Variants in APBA2 observed in about 807,000 individuals in gnomAD.
APBA2 encodes the protein amyloid-beta A4 precursor protein-binding family A member 2.
In APBA2, 30 loss-of-function variants were observed where a neutral mutation model predicts 75.0. That is an observed-to-expected ratio of 0.40 (90% CI 0.30 to 0.54). APBA2 has a LOEUF of 0.54. APBA2 is among the 20% of genes least tolerant of loss of function. APBA2 has a pLI of 0.49. For synonymous variants in APBA2, 444 were observed against 409.6 expected, an observed-to-expected ratio of 1.08 and a Z score of -1.01; for missense variants, 801 against 1,016.1, an observed-to-expected ratio of 0.79 and a Z score of 2.88.
At chr15:28,917,530 G>A (rs1460778754) in intron 1 of APBA2, among the ~76,000 whole-genome samples, 1 of 151,974 alleles carries the variant, frequency 6.6e-6, no homozygotes, top group Non-Finnish European at 1.5e-5. Context: ...GCAGTTTTAG[G>A]TTTATGGAGA....
intron 3 of APBA2, among the ~76,000 whole-genome samples, chr15:29,033,605 C>A (rs1228223988): frequency 6.6e-6 from 1 of 152,024 alleles, no homozygotes; most frequent in Non-Finnish European, 1.5e-5. Context: ...CTCAGAACAC[C>A]ATTATACTTA....
At chr15:28,886,491 G>A (rs144561483) in intron 1 of APBA2, among the ~76,000 whole-genome samples, 1 of 145,632 alleles carries the variant, frequency 6.9e-6, no homozygotes, top group African/African-American at 2.5e-5. Flanking sequence ...CTGACCGGCC[G>A]CTTCCCCCTC....
chr15:29,026,293 G>C (rs2040220288), intron 3 of APBA2, among the ~76,000 whole-genome samples: 1 of 152,114 alleles, frequency 6.6e-6, no homozygotes, highest in Non-Finnish European at 1.5e-5. Context: ...TGCCATACAG[G>C]GTCCTTCTGA....
Position 28,931,032 on chromosome 15 carries a change from C to T in APBA2, c.-95+9283C>T, listed in dbSNP as rs566384471. Among the ~76,000 whole-genome samples, 840 of 152,284 alleles carry T rather than the reference C, an allele frequency of 5.5e-3. 6 individuals carry two copies. The highest frequency in any genetic ancestry group is 8.6e-3 in the Non-Finnish European group (585 of 68,026). On this transcript the variant is annotated intron_variant, in intron 2 of 14. Transcript: ENST00000683413. ...GCCGCGTCCGCAGACATTGGGGACTCGGTACAGCTATCCTAGGGGTCTGCT... is the reference window on the plus strand; with the variant it reads ...GCCGCGTCCGCAGACATTGGGGACTTGGTACAGCTATCCTAGGGGTCTGCT...
intron 2 of APBA2, among the ~76,000 whole-genome samples, chr15:28,954,186 C>T (rs2036042473): frequency 6.6e-6 from 1 of 152,206 alleles, no homozygotes; most frequent in Non-Finnish European, 1.5e-5. Context: ...CGATGAGAGC[C>T]TGTCATCTCC....
At chr15:29,017,345 T>C (rs2039713367) in intron 3 of APBA2, among the ~76,000 whole-genome samples, 1 of 151,892 alleles carries the variant, frequency 6.6e-6, no homozygotes. Context: ...ATTCATTCTA[T>C]CTTTGAAGTC....
intron 3 of APBA2, among the ~76,000 whole-genome samples, chr15:29,023,905 A>ATTT (rs200312116): frequency 7.5e-6 from 1 of 133,962 alleles, no homozygotes. Flanking sequence ...CTTTTTGTCG[A>ATTT]TTTTTTTTTT....
At chr15:29,024,399 T>C (rs2040112240) in intron 3 of APBA2, among the ~76,000 whole-genome samples, 1 of 152,236 alleles carries the variant, frequency 6.6e-6, no homozygotes, top group African/African-American at 2.4e-5. Context: ...GAATGTCCTC[T>C]ACAGCTGGTT....
chr15:28,887,719 T>A (rs959587332), intron 1 of APBA2, among the ~76,000 whole-genome samples: 1 of 152,100 alleles, frequency 6.6e-6, no homozygotes, highest in Non-Finnish European at 1.5e-5. Flanking sequence ...CTCCAGGCAA[T>A]GTCCAGGGCG....
intron 6 of APBA2, among the ~76,000 whole-genome samples, chr15:29,091,960 A>G (rs1197292066): frequency 6.6e-6 from 1 of 152,208 alleles, no homozygotes; most frequent in Non-Finnish European, 1.5e-5. Flanking sequence ...GGCTCTGGCC[A>G]GGAGGTGGGC....
chr15:29,114,471 G>C (rs1354644738), intron 14 of APBA2, among the ~76,000 whole-genome samples: 2 of 152,104 alleles, frequency 1.3e-5, no homozygotes, highest in African/African-American at 4.8e-5. Context: ...GGAGGTGCAG[G>C]TTTTCCTCCA....
rs887699550 is a variant in APBA2, at chr15:29,054,756, A to G, written c.872A>G (p.Lys291Arg). ...PKSLNLLPEAKHPGDPQRGFK... is the reference protein window; with the variant it reads ...PKSLNLLPEARHPGDPQRGFK... Reference sequence around the variant, plus strand: ...TCGCTGAACCTCCTTCCCGAGGCCAAGCACCCCGGAGACCCCCAGAGAGGC... The same window carrying G: ...TCGCTGAACCTCCTTCCCGAGGCCAGGCACCCCGGAGACCCCCAGAGAGGC... The change falls in exon 4 of 15, where the codon AAG becomes AGG. Residue 291 changes from lysine to arginine, a missense_variant. Transcript: ENST00000683413. This position sits in a 1 kb window ranked among gnomAD's most constrained non-coding sequence, Gnocchi z 6.1. The G allele has an allele frequency of 1.9e-6, 3 of 1,608,260 alleles. No individual in the cohort carries two copies. The highest frequency in any genetic ancestry group is 1.7e-4 in the Middle Eastern group (1 of 6,050).
chr15:29,053,400 G>A (rs2041701443), intron 3 of APBA2, among the ~76,000 whole-genome samples: 1 of 152,154 alleles, frequency 6.6e-6, no homozygotes, highest in Non-Finnish European at 1.5e-5. Context: ...GTCTTTGAGG[G>A]GTCATGGATT....
intron 1 of APBA2, among the ~76,000 whole-genome samples, chr15:28,888,225 C>G (rs1317799160): frequency 6.6e-6 from 1 of 152,100 alleles, no homozygotes; most frequent in Non-Finnish European, 1.5e-5. Flanking sequence ...ACCTAGTTTG[C>G]CAACTGAGCT....
intron 3 of APBA2, among the ~76,000 whole-genome samples, chr15:29,030,552 G>A (rs929765612): frequency 1.3e-5 from 2 of 152,188 alleles, no homozygotes; most frequent in African/African-American, 2.4e-5. Flanking sequence ...AACATATTGA[G>A]GGGTACATTC....
At chr15:28,968,146 A>G (rs1049784969) in intron 2 of APBA2, among the ~76,000 whole-genome samples, 1 of 152,156 alleles carries the variant, frequency 6.6e-6, no homozygotes, top group African/African-American at 2.4e-5. Flanking sequence ...ATAATACTCC[A>G]CCGTATGTGT....
intron 1 of APBA2, among the ~76,000 whole-genome samples, chr15:28,893,283 A>G (rs571366999): frequency 6.6e-6 from 1 of 152,368 alleles, no homozygotes; most frequent in African/African-American, 2.4e-5. Context: ...CTGCTACAGT[A>G]AAGCACTCAG....
chr15:29,108,281 C>T lies in APBA2; in HGVS notation c.1929C>T (p.Asn643=). The T allele has an allele frequency of 1.2e-6, 2 of 1,613,902 alleles. No homozygotes were observed. The highest frequency in any genetic ancestry group is 1.7e-6 in the Non-Finnish European group (2 of 1,180,028). ...CCCGTGCTCTGCAGGGCCTGAAGAA[C>T]CAGACACAGGTGAAGCTCAACATTG... ...TCQGIIKGLK[N]QTQVKLNIVS... is the part of the protein sequence containing the mutation. Residue 643 remains asparagine, a synonymous_variant, in exon 13 of 15, where the codon AAC becomes AAT. Transcript: ENST00000683413.
At chr15:28,985,325 G>A (rs988305028) in intron 2 of APBA2, among the ~76,000 whole-genome samples, 1 of 152,168 alleles carries the variant, frequency 6.6e-6, no homozygotes, top group African/African-American at 2.4e-5. Context: ...TTCATGCTTT[G>A]CACTTTTTGT....
Sources: allele counts gnomAD v4.1 joint callset (sites outside exome capture counted in the v4.1 genomes callset), GRCh38; gene constraint gnomAD v4.1.1; non-coding constraint Gnocchi (gnomAD v3.1); transcripts MANE v1.5; gene names NCBI Gene and HGNC (gene_info 2026-07-23, HGNC 2026-07-21).